ZPBP: variants seen among roughly 807,000 people sequenced by gnomAD.
ZPBP encodes zona pellucida binding protein.
A neutral mutation model predicts 44.8 loss-of-function variants in ZPBP; 26 were observed. That is an observed-to-expected ratio of 0.58 (90% CI 0.43 to 0.81). The LOEUF is 0.81. ZPBP is among the 30% of genes least tolerant of loss of function. The probability of loss-of-function intolerance (pLI) is 0.00; values close to 1 mark genes in which losing one functional copy is unlikely to be tolerated. For synonymous variants in ZPBP, 174 were observed against 153.2 expected, an observed-to-expected ratio of 1.14 and a Z score of -1.00; for missense variants, 409 against 434.0, an observed-to-expected ratio of 0.94 and a Z score of 0.51.
At chr7:50,033,678 GTTTATTTA>G (rs56856262) in intron 4 of ZPBP, among the ~76,000 whole-genome samples, 14 of 148,714 alleles carry the variant, frequency 9.4e-5, no homozygotes, top group East Asian at 2.0e-4. Context: ...TCTTTCTACA[GTTTATTTA>G]TTTATTTATT....
chr7:50,084,115 G>A (rs368562572), intron 2 of ZPBP, among the ~76,000 whole-genome samples: 15 of 151,954 alleles, frequency 9.9e-5, no homozygotes, highest in African/African-American at 3.6e-4. Flanking sequence ...ACAAAGAAAA[G>A]AATGGGTAGA....
intron 7 of ZPBP, among the ~76,000 whole-genome samples, chr7:49,973,743 T>A (rs139925732): frequency 6.6e-6 from 1 of 152,108 alleles, no homozygotes; most frequent in Admixed American, 6.5e-5. Flanking sequence ...GGTGGTAATA[T>A]AAAATGGTGC....
chr7:49,875,864 C>A (rs1398111787), intron 2 of ZPBP, among the ~76,000 whole-genome samples: 1 of 152,070 alleles, frequency 6.6e-6, no homozygotes, highest in Non-Finnish European at 1.5e-5. Flanking sequence ...GCAAGAGAAT[C>A]CTGCTTGGTT....
chr7:49,904,967 C>G (rs1047689648), intron 1 of ZPBP, among the ~76,000 whole-genome samples: 9 of 152,024 alleles, frequency 5.9e-5, no homozygotes, highest in Non-Finnish European at 1.2e-4. Context: ...AACTCCTGAC[C>G]TCATAATCTA....
chr7:50,061,226 G>C (rs1194966970), intron 3 of ZPBP, among the ~76,000 whole-genome samples: 1 of 152,136 alleles, frequency 6.6e-6, no homozygotes, highest in Non-Finnish European at 1.5e-5. Context: ...GCAAAAGCTA[G>C]AGGCATTTCC....
intron 6 of ZPBP, among the ~76,000 whole-genome samples, chr7:50,010,908 C>CAAAAAAAAAAAAAAAAAAAAAAAAA (rs71554292): frequency 8.7e-5 from 8 of 92,436 alleles, no homozygotes; most frequent in East Asian, 3.5e-4. Flanking sequence ...CAAGACCAAG[C>CAAAAAAAAAAAAAAAAAAAAAAAAA]AAAAAAAAAA....
intron 6 of ZPBP, among the ~76,000 whole-genome samples, chr7:50,011,839 C>T (rs1397809579): frequency 6.6e-6 from 1 of 151,976 alleles, no homozygotes; most frequent in African/African-American, 2.4e-5. Flanking sequence ...ATCACAAGGT[C>T]AGCAGTTTGA....
chr7:50,023,184 A>G (rs981846837), intron 5 of ZPBP, among the ~76,000 whole-genome samples: 1 of 152,082 alleles, frequency 6.6e-6, no homozygotes, highest in Admixed American at 6.6e-5. Context: ...TACCAAATTC[A>G]AACCCCCTCT....
chr7:50,056,024 G>A (rs1288857750), intron 4 of ZPBP, among the ~76,000 whole-genome samples: 1 of 152,158 alleles, frequency 6.6e-6, no homozygotes, highest in Non-Finnish European at 1.5e-5. Flanking sequence ...GGCTACATGG[G>A]AAAGTATTTT....
chr7:49,887,430 A>G (rs1297682975), intron 2 of ZPBP, among the ~76,000 whole-genome samples: 1 of 152,238 alleles, frequency 6.6e-6, no homozygotes, highest in Non-Finnish European at 1.5e-5. Flanking sequence ...CTGATTTTAA[A>G]TGTGGTTATA....
intron 6 of ZPBP, among the ~76,000 whole-genome samples, chr7:50,008,634 T>C (rs903788710): frequency 6.6e-6 from 1 of 152,004 alleles, no homozygotes; most frequent in African/African-American, 2.4e-5. Context: ...AAAGTTACAG[T>C]AATCAAAACA....
intron 2 of ZPBP, among the ~76,000 whole-genome samples, chr7:49,884,449 A>G (rs1213728552): frequency 6.6e-6 from 1 of 152,150 alleles, no homozygotes; most frequent in Non-Finnish European, 1.5e-5. Flanking sequence ...GGGAAGGTGG[A>G]GAACAGCAAT....
At position 50,089,646 on chromosome 7, in the gene ZPBP, C is replaced by G; in HGVS notation, c.191G>C (p.Gly64Ala). 6.2e-7 allele frequency: 1 copy of G among 1,609,718 alleles called. No individual in the cohort carries two copies. The highest frequency in any genetic ancestry group is 8.5e-7 in the Non-Finnish European group (1 of 1,177,656). Residue 64 changes from glycine (G) to alanine (A), a missense_variant, in exon 2 of 8, where the codon GGA (glycine) becomes GCA (alanine). Coordinates refer to ENST00000046087, the MANE Select transcript of ZPBP (RefSeq NM_007009.3). ...ATGAATACCTGGAAAACTTGTTGAT[C>G]CCACTATTTTCACTGAATCTTTGGT... is the stretch of plus-strand genomic sequence containing the variant. ...RLTKDSVKIVGSTSFPVKAYV... is the reference protein window; with the variant it reads ...RLTKDSVKIVASTSFPVKAYV...
intron 7 of ZPBP, among the ~76,000 whole-genome samples, chr7:49,952,848 T>TA (rs1254313445): frequency 1.3e-5 from 2 of 151,736 alleles, no homozygotes; most frequent in Admixed American, 6.6e-5. Flanking sequence ...GAATAAAAGT[T>TA]AAAAAAAGAA....
intron 3 of ZPBP, among the ~76,000 whole-genome samples, chr7:50,062,326 G>A (rs1801284469): frequency 2.0e-5 from 3 of 152,076 alleles, no homozygotes; most frequent in Non-Finnish European, 2.9e-5. Context: ...AAAACCTACT[G>A]TAAAACTCAT....
chr7:49,947,049 T>C (rs999562734), intron 7 of ZPBP, among the ~76,000 whole-genome samples: 4 of 152,142 alleles, frequency 2.6e-5, no homozygotes, highest in African/African-American at 9.6e-5. Flanking sequence ...TGCTTTTTAA[T>C]TATTTCAATT....
At chr7:50,043,427 G>A (rs1014989560) in intron 4 of ZPBP, among the ~76,000 whole-genome samples, 6 of 152,140 alleles carry the variant, frequency 3.9e-5, no homozygotes, top group Non-Finnish European at 7.4e-5. Context: ...GTATTCAGGA[G>A]ATCCATCTCA....
At chr7:49,956,185 A>C (rs1291913265) in intron 7 of ZPBP, among the ~76,000 whole-genome samples, 1 of 152,136 alleles carries the variant, frequency 6.6e-6, no homozygotes, top group Admixed American at 6.6e-5. Context: ...GTCTGTTTTT[A>C]AATTTTCTCT....
At chr7:49,928,231 A>C (rs140224047) in intron 1 of ZPBP, among the ~76,000 whole-genome samples, 4 of 152,224 alleles carry the variant, frequency 2.6e-5, no homozygotes, top group Admixed American at 2.6e-4. Flanking sequence ...TACTAAGGTT[A>C]TTTGCTGAGT....
Sources: gnomAD v4.1 joint callset for allele counts (sites outside exome capture counted in the v4.1 genomes callset) on GRCh38, gnomAD v4.1.1 for gene constraint, MANE v1.5 for transcripts, NCBI Gene and HGNC (gene_info 2026-07-23, HGNC 2026-07-21) for gene names.